SPMIP4: variants seen among roughly 807,000 people sequenced by gnomAD.
The protein encoded by SPMIP4 is sperm microtubule inner protein 4.
chr7:25,167,811 C>T, the SPMIP4 span, among the ~76,000 whole-genome samples: 1 of 152,022 alleles, frequency 6.6e-6, no homozygotes, highest in Non-Finnish European at 1.5e-5. Context: ...TTTTTTTCTG[C>T]TTTCTGTTGA....
At chr7:25,144,872 A>G in the SPMIP4 span, among the ~76,000 whole-genome samples, 2 of 152,152 alleles carry the variant, frequency 1.3e-5, no homozygotes, top group Non-Finnish European at 2.9e-5. Context: ...TATGTGGCTT[A>G]CTTATTCAGG....
At chr7:25,141,504 G>A in the SPMIP4 span, among the ~76,000 whole-genome samples, 18 of 150,278 alleles carry the variant, frequency 1.2e-4, no homozygotes, top group South Asian at 4.2e-4. Flanking sequence ...CCAAGGAGGC[G>A]GAGGTTGCAG....
chr7:25,170,191 C>T, the SPMIP4 span, among the ~76,000 whole-genome samples: 3 of 152,246 alleles, frequency 2.0e-5, no homozygotes, highest in South Asian at 4.1e-4. Flanking sequence ...CACATCTTTG[C>T]CAACACTTGC....
chr7:25,177,555 G>T, the SPMIP4 span, among the ~76,000 whole-genome samples: 4 of 152,100 alleles, frequency 2.6e-5, no homozygotes, highest in Non-Finnish European at 5.9e-5. Context: ...CACTGTCCAG[G>T]TGTTTTGAGG....
chr7:25,141,443 G>C, the SPMIP4 span, among the ~76,000 whole-genome samples: 5 of 151,876 alleles, frequency 3.3e-5, no homozygotes, highest in African/African-American at 1.2e-4. Context: ...GTGGTGGTGC[G>C]TGCCTGTAAT....
At chr7:25,165,792 C>T in the SPMIP4 span, among the ~76,000 whole-genome samples, 133 of 152,220 alleles carry the variant, frequency 8.7e-4, no homozygotes, top group African/African-American at 2.8e-3. Context: ...TAGGTGATGC[C>T]GATGTACCGT....
the SPMIP4 span, among the ~76,000 whole-genome samples, chr7:25,146,121 C>T: frequency 3.9e-5 from 6 of 152,034 alleles, no homozygotes; most frequent in Non-Finnish European, 7.4e-5. Context: ...TAAGGCACTT[C>T]GTTCATTTAC....
At chr7:25,162,336 A>G in the SPMIP4 span, among the ~76,000 whole-genome samples, 1 of 151,732 alleles carries the variant, frequency 6.6e-6, no homozygotes, top group Non-Finnish European at 1.5e-5. Context: ...AAATTAAATT[A>G]TCAGACAAAA....
the SPMIP4 span, chr7:25,134,569 G>A: frequency 1.9e-4 from 107 of 570,726 alleles, 1 homozygote; most frequent in South Asian, 7.4e-3. Flanking sequence ...TTGCATGGAG[G>A]TAGGCAGAGT....
chr7:25,163,708 C>G, the SPMIP4 span, among the ~76,000 whole-genome samples: 7 of 152,212 alleles, frequency 4.6e-5, no homozygotes, highest in South Asian at 1.5e-3. This position sits in a 1 kb window ranked among gnomAD's most constrained non-coding sequence, Gnocchi z 4.4. Flanking sequence ...GTGACCTATC[C>G]CTGGATGTAC....
the SPMIP4 span, chr7:25,134,561 G>T: frequency 4.1e-6 from 2 of 491,138 alleles, no homozygotes; most frequent in Non-Finnish European, 5.3e-6. Context: ...TGCCACCCTT[G>T]CATGGAGGTA....
At chr7:25,127,313 T>A in the SPMIP4 span, among the ~76,000 whole-genome samples, 1 of 152,310 alleles carries the variant, frequency 6.6e-6, no homozygotes, top group African/African-American at 2.4e-5. Flanking sequence ...TTATGGCCAG[T>A]AACTCTTAGA....
At chr7:25,163,185 T>C in the SPMIP4 span, among the ~76,000 whole-genome samples, 3 of 152,236 alleles carry the variant, frequency 2.0e-5, no homozygotes, top group Non-Finnish European at 4.4e-5. The surrounding 1 kb of genome is among the most constrained non-coding windows in gnomAD (Gnocchi z 4.4). Flanking sequence ...TAATAATCTA[T>C]GATGCATCCG....
the SPMIP4 span, chr7:25,179,604 A>G: frequency 3.7e-6 from 1 of 268,078 alleles, no homozygotes; most frequent in South Asian, 1.6e-4. Flanking sequence ...CTTTGTGGCC[A>G]TCAACTGACA....
the SPMIP4 span, among the ~76,000 whole-genome samples, chr7:25,165,640 G>A: frequency 2.6e-5 from 4 of 152,126 alleles, no homozygotes; most frequent in African/African-American, 9.7e-5. Flanking sequence ...GAGCCGCCGC[G>A]CCTGGCCGCA....
At chr7:25,174,235 CCT>C in the SPMIP4 span, among the ~76,000 whole-genome samples, 1,519 of 151,828 alleles carry the variant, frequency 0.01, 17 homozygotes, top group African/African-American at 0.027. This position sits in a 1 kb window ranked among gnomAD's most constrained non-coding sequence, Gnocchi z 4.5. Flanking sequence ...TTTTCCTCCC[CCT>C]CTCTCTCACT....
At chr7:25,139,081 T>C in the SPMIP4 span, among the ~76,000 whole-genome samples, 6 of 152,146 alleles carry the variant, frequency 3.9e-5, no homozygotes, top group East Asian at 1.2e-3. Flanking sequence ...GGGGTTTGGG[T>C]TACAAAGGTG....
the SPMIP4 span, among the ~76,000 whole-genome samples, chr7:25,177,945 C>T: frequency 3.9e-5 from 6 of 152,308 alleles, no homozygotes; most frequent in South Asian, 1.2e-3. Context: ...GTTTTCTGAT[C>T]CTCACCTTCC....
chr7:25,171,418 ATCT>A, the SPMIP4 span, among the ~76,000 whole-genome samples: 1 of 152,208 alleles, frequency 6.6e-6, no homozygotes, highest in Non-Finnish European at 1.5e-5. Flanking sequence ...GAGGAATCAA[ATCT>A]TCTGGTTAGG....
Sources: allele counts gnomAD v4.1 joint callset (sites outside exome capture counted in the v4.1 genomes callset), GRCh38; gene constraint gnomAD v4.1.1; non-coding constraint Gnocchi (gnomAD v3.1); transcripts MANE v1.5; gene names NCBI Gene and HGNC (gene_info 2026-07-23, HGNC 2026-07-21).